The following BAIAP3 variants were observed in gnomAD, a reference collection of about 807,000 sequenced individuals.
The protein encoded by BAIAP3 is BAI1 associated protein 3.
In BAIAP3, 180 loss-of-function variants were observed where a neutral mutation model predicts 149.7. That is an observed-to-expected ratio of 1.20 (90% CI 1.07 to 1.36). The LOEUF (loss-of-function observed/expected upper bound fraction) is 1.36, where lower values mean the gene tolerates loss of function less well. BAIAP3 is among the 40% of genes most tolerant of loss of function. The pLI is 0.00. For missense variants in BAIAP3, 1,767 were observed against 1,563.4 expected, an observed-to-expected ratio of 1.13 and a Z score of -2.20; for synonymous variants, 845 against 670.7, an observed-to-expected ratio of 1.26 and a Z score of -4.02.
Position 1,346,303 on chromosome 16 carries a change from C to A in BAIAP3, c.2435C>A (p.Ala812Asp). 1 of 1,604,908 alleles carries A rather than the reference C, an allele frequency of 6.2e-7. No individual in the cohort carries two copies. The highest frequency in any genetic ancestry group is 8.5e-7 in the Non-Finnish European group (1 of 1,174,070). Residue 812 changes from alanine (A) to aspartate (D), a missense_variant, in exon 25 of 34, where the codon GCC becomes GAC. By Grantham distance (126) the Ala-to-Asp change is moderately radical. Coordinates refer to ENST00000426824, the MANE Select transcript of BAIAP3 (RefSeq NM_001199097.2). ...LPRPLLSCTQALDDDLQREAH... is the reference protein window; with the variant it reads ...LPRPLLSCTQDLDDDLQREAH... ...CGCCCTCTGCTCAGCTGCACACAGGCCCTGGACGATGATCTGCAACGGGAG... is the reference window on the plus strand; with the variant it reads ...CGCCCTCTGCTCAGCTGCACACAGGACCTGGACGATGATCTGCAACGGGAG...
chr16:1,337,541 C>G (rs918452548), intron 1 of BAIAP3, among the ~76,000 whole-genome samples: 1 of 151,722 alleles, frequency 6.6e-6, no homozygotes. Flanking sequence ...CACTGCTCTC[C>G]AGCCTGGACT....
intron 17 of BAIAP3, 23 bp downstream of exon 17, chr16:1,344,340 G>A (rs950293779): frequency 1.2e-6 from 2 of 1,613,320 alleles, no homozygotes; most frequent in African/African-American, 2.7e-5. Context: ...GCCCAGTGGA[G>A]GCCGGCTGCT....
rs1567159882 is a variant in BAIAP3 at position 1,339,482 on chromosome 16, TC to T, written c.301-9del. 1 of 1,599,544 alleles carries T rather than the reference TC, an allele frequency of 6.3e-7. No homozygotes were observed. The highest frequency in any genetic ancestry group is 8.5e-7 in the Non-Finnish European group (1 of 1,170,100). On this transcript the variant is annotated splice_polypyrimidine_tract_variant and intron_variant, in intron 4 of 33. Coordinates refer to ENST00000426824, the MANE Select transcript of BAIAP3 (RefSeq NM_001199097.2). The stretch of plus-strand genomic sequence containing the variant: ...TGGGACGCGGCACTGTGGCCGCCCT[TC>T]CCCCACCTGCAGGTGGAGATGCTCT...
chr16:1,338,482 T>A, intron 1 of BAIAP3, 58 bp from the exon 2 acceptor site: 2 of 275,460 alleles, frequency 7.3e-6, no homozygotes, highest in Non-Finnish European at 1.4e-5. Flanking sequence ...CCGCCTGCTG[T>A]GGTGCACGGA....
At chr16:1,342,435 C>T in intron 11 of BAIAP3, 92 bp from the exon 12 acceptor site, 1 of 1,395,952 alleles carries the variant, frequency 7.2e-7, no homozygotes, top group South Asian at 1.3e-5. Flanking sequence ...GAAGGGAAGC[C>T]CAGGCCATGT....
intron 16 of BAIAP3, 27 bp downstream of exon 16, chr16:1,344,173 G>C: frequency 6.2e-7 from 1 of 1,612,146 alleles, no homozygotes; most frequent in Non-Finnish European, 8.5e-7. Flanking sequence ...GTGTCAGCGT[G>C]GGTGGGGGCG....
chr16:1,346,564 G>T, intron 26 of BAIAP3, 41 bp from the exon 27 acceptor site: 1 of 1,575,316 alleles, frequency 6.3e-7, no homozygotes. Flanking sequence ...GGGTAGGGCA[G>T]AGGTGCGGGG....
intron 31 of BAIAP3, 26 bp from the exon 32 acceptor site, chr16:1,347,868 G>C: frequency 6.2e-7 from 1 of 1,609,420 alleles, no homozygotes; most frequent in South Asian, 1.1e-5. Flanking sequence ...ATGGGGGCAG[G>C]GGGGCTCACG....
At chr16:1,338,508 C>T in intron 1 of BAIAP3, 32 bp from the exon 2 acceptor site, 6 of 1,338,202 alleles carry the variant, frequency 4.5e-6, no homozygotes, top group Non-Finnish European at 6.0e-6. Flanking sequence ...GAGTGGACGA[C>T]CTGAGGCTGC....
intron 8 of BAIAP3, 65 bp from the exon 9 acceptor site, chr16:1,341,757 C>T: frequency 6.4e-7 from 1 of 1,551,804 alleles, no homozygotes; most frequent in Non-Finnish European, 8.8e-7. Context: ...CTTCTGGACT[C>T]CCTGACCCCG....
chr16:1,340,001 A>ACG (rs1428450114), intron 5 of BAIAP3, among the ~76,000 whole-genome samples: 2 of 142,424 alleles, frequency 1.4e-5, no homozygotes, highest in African/African-American at 2.8e-5. Flanking sequence ...ATACAGATGC[A>ACG]CACGCACACA....
At chr16:1,338,446 T>TC in intron 1 of BAIAP3, 94 bp from the exon 2 acceptor site, 1 of 398,834 alleles carries the variant, frequency 2.5e-6, no homozygotes. Context: ...CTGCCCCACC[T>TC]CTTCCCGCCC....
chr16:1,346,160 C>T lies in BAIAP3; in HGVS notation c.2302-10C>T, dbSNP rs1207208253. Reference sequence around the variant, plus strand: ...CCGGACCCATCGTTGCCTGGCCACACCTCCTCCAGCTCTGCGTGGTCCTCA... The same window carrying T: ...CCGGACCCATCGTTGCCTGGCCACATCTCCTCCAGCTCTGCGTGGTCCTCA... On this transcript the variant is annotated splice_polypyrimidine_tract_variant and intron_variant, in intron 24 of 33. Transcript: ENST00000426824. The T allele has an allele frequency of 3.1e-6, 5 of 1,609,970 alleles. No homozygotes were observed. Among genetic ancestry groups the T allele is most frequent in the East Asian group, 2.2e-5 (1 of 44,834 alleles).
intron 1 of BAIAP3, among the ~76,000 whole-genome samples, chr16:1,335,446 G>C (rs1050165540): frequency 2.3e-5 from 3 of 133,216 alleles, no homozygotes; most frequent in Non-Finnish European, 3.2e-5. Context: ...CATCACGTCT[G>C]GGCCCACGGG....
Position 1,348,751 on chromosome 16 carries a change from G to A in BAIAP3, c.*269G>A, listed in dbSNP as rs1425451357. 6.2e-5 allele frequency: 33 copies of A among 532,794 alleles called. No homozygotes were observed. Among genetic ancestry groups the A allele is most frequent in the East Asian group, 3.2e-4 (10 of 31,686 alleles). 33.0% of individuals were successfully genotyped at this position (532,794 alleles called of 1,614,324 possible). ...CCCAGGACACAGTGCAGGCCAGAGC[G>A]GGCTTGACCACCTGGTGGGCCTCCC... On this transcript the variant is annotated 3_prime_UTR_variant, in exon 34 of 34. Transcript: ENST00000426824.
intron 22 of BAIAP3, 64 bp from the exon 23 acceptor site, chr16:1,345,683 G>A (rs548501237): frequency 4.9e-4 from 52 of 106,808 alleles, no homozygotes; most frequent in Middle Eastern, 5.4e-3. Context: ...CACAACCCCC[G>A]CCTCCCCCAC....
Position 1,345,784 on chromosome 16 carries a change from C to G in BAIAP3, c.2102C>G (p.Ser701Cys). ...GACGCCTCCTCCAGGCACAGCAGCT[C>G]CGCAGCCACTGCTGGTCTCTGCCTC... ...PVDASSRHSSSAATAGLCLSH... is the reference protein window; with the variant it reads ...PVDASSRHSSCAATAGLCLSH... Residue 701 changes from serine to cysteine, a missense_variant, in exon 23 of 34, where the codon TCC (serine) becomes TGC (cysteine). Physicochemically the swap from Ser to Cys is moderately radical, Grantham distance 112 (BLOSUM62 -1). Transcript: ENST00000426824. 1 of 1,565,112 alleles carries G rather than the reference C, an allele frequency of 6.4e-7. No homozygotes were observed.
chr16:1,346,562 C>T (rs1310495008), intron 26 of BAIAP3, 43 bp from the exon 27 acceptor site: 2 of 1,577,556 alleles, frequency 1.3e-6, no homozygotes, highest in Non-Finnish European at 1.7e-6. Flanking sequence ...GGGGGTAGGG[C>T]AGAGGTGCGG....
chr16:1,341,340 C>T lies in BAIAP3; in HGVS notation c.582C>T (p.Asp194=), dbSNP rs747416397. 2.3e-5 allele frequency: 37 copies of T among 1,611,738 alleles called. No homozygotes were observed. The highest frequency in any genetic ancestry group is 1.9e-4 in the African/African-American group (14 of 74,934). ...TGCTGGGCATCCTGCCTGCCTCGGA[C>T]GCCACGCGGGAGCCCCGTGCACAGA... ...YCMLGILPAS[D]ATREPRAQKE... The change falls in exon 8 of 34, where the codon GAC becomes GAT. Residue 194 remains aspartate, a synonymous_variant. Coordinates refer to ENST00000426824, the MANE Select transcript of BAIAP3 (RefSeq NM_001199097.2).
Sources: allele counts gnomAD v4.1 joint callset (sites outside exome capture counted in the v4.1 genomes callset), GRCh38; gene constraint gnomAD v4.1.1; transcripts MANE v1.5; gene names NCBI Gene and HGNC (gene_info 2026-07-23, HGNC 2026-07-21).